The following CEACAM3 variants were observed in gnomAD, a reference collection of about 807,000 sequenced individuals.
CEACAM3 encodes cell adhesion molecule CEACAM3.
A neutral mutation model predicts 30.1 loss-of-function variants in CEACAM3; 32 were observed. The observed-to-expected ratio is 1.06, with a 90% CI of 0.80 to 1.43. The LOEUF (loss-of-function observed/expected upper bound fraction) is 1.43. Ranked by LOEUF, CEACAM3 falls within the 40% of genes most tolerant of loss-of-function variation. The pLI, the probability that CEACAM3 is intolerant of heterozygous loss-of-function variation, is 0.00. For missense variants in CEACAM3, 290 were observed against 316.3 expected, an observed-to-expected ratio of 0.92 and a Z score of 0.63; for synonymous variants, 134 against 127.2, an observed-to-expected ratio of 1.05 and a Z score of -0.36.
intron 5 of CEACAM3, 128 bp from the exon 6 acceptor site, chr19:41,810,704 C>A: frequency 3.4e-6 from 3 of 894,988 alleles, no homozygotes; most frequent in Non-Finnish European, 3.6e-6. Flanking sequence ...GGAGGCTGAG[C>A]TCAGGGGCAG....
At chr19:41,804,433 G>A (rs917545390) in intron 2 of CEACAM3, among the ~76,000 whole-genome samples, 2 of 152,194 alleles carry the variant, frequency 1.3e-5, no homozygotes, top group African/African-American at 4.8e-5. Context: ...AAGGAGGAAG[G>A]TGTTTCATAT....
intron 2 of CEACAM3, among the ~76,000 whole-genome samples, chr19:41,799,878 T>C (rs907156697): frequency 6.6e-6 from 1 of 152,068 alleles, no homozygotes; most frequent in African/African-American, 2.4e-5. Context: ...GGGATCCTTG[T>C]TGCATTCCTC....
At chr19:41,801,359 C>T (rs1163570950) in intron 2 of CEACAM3, among the ~76,000 whole-genome samples, 1 of 152,144 alleles carries the variant, frequency 6.6e-6, no homozygotes, top group African/African-American at 2.4e-5. Context: ...TGTGTCCCCA[C>T]CCAGGGCTCT....
chr19:41,796,614 A>C lies in CEACAM3; in HGVS notation c.-64A>C. 6.3e-7 allele frequency: 1 copy of C among 1,581,534 alleles called. No individual in the cohort carries two copies. The highest frequency in any genetic ancestry group is 8.7e-7 in the Non-Finnish European group (1 of 1,150,756). On this transcript the variant is annotated 5_prime_UTR_variant, in exon 1 of 7. Transcript: ENST00000357396. ...CAGAGCCTAAGTCACAGTAGCCCTGACTACAGCATTCCTGGAGCCCAGGCT... is the reference window on the plus strand; with the variant it reads ...CAGAGCCTAAGTCACAGTAGCCCTGCCTACAGCATTCCTGGAGCCCAGGCT...
chr19:41,810,025 T>C lies in CEACAM3; in HGVS notation c.595+8T>C. The C allele has an allele frequency of 6.2e-7, 1 of 1,613,532 alleles. No individual in the cohort carries two copies. Among genetic ancestry groups the C allele is most frequent in the Non-Finnish European group, 8.5e-7 (1 of 1,179,628 alleles). ...CCCAAGCCCTTGCCCCTGGTGAGTG[T>C]CCTCTCAGCCCAGGTGTGGCTGGGA... On this transcript the variant is annotated splice_region_variant and intron_variant, in intron 4 of 6. Coordinates refer to ENST00000357396, the MANE Select transcript of CEACAM3 (RefSeq NM_001815.5).
intron 2 of CEACAM3, among the ~76,000 whole-genome samples, chr19:41,806,656 G>A (rs538966360): frequency 9.2e-5 from 14 of 152,212 alleles, no homozygotes; most frequent in African/African-American, 2.4e-4. Flanking sequence ...ATCTGTCTTC[G>A]TCTTTTTTTG....
In CEACAM3 at chr19:41,797,766, G is replaced by A. The variant is rs782008716; in HGVS notation, c.242G>A (p.Gly81Glu). 1.2e-6 allele frequency: 2 copies of A among 1,612,614 alleles called. No homozygotes were observed. The highest frequency in any genetic ancestry group is 2.7e-5 in the African/African-American group (2 of 73,626). ...ERVDGNSLIV[G>E]YVIGTQQATP... Reference sequence around the variant, plus strand: ...GTGGATGGCAACAGTCTAATTGTAGGATATGTAATAGGAACTCAACAAGCT... The same window carrying A: ...GTGGATGGCAACAGTCTAATTGTAGAATATGTAATAGGAACTCAACAAGCT... Residue 81 changes from glycine to glutamate, a missense_variant, in exon 2 of 7, where the codon GGA (glycine) becomes GAA (glutamate). Physicochemically the swap from Gly to Glu is moderately conservative, Grantham distance 98. Coordinates refer to ENST00000357396, the MANE Select transcript of CEACAM3 (RefSeq NM_001815.5).
At chr19:41,799,439 G>A (rs1223152567) in intron 2 of CEACAM3, among the ~76,000 whole-genome samples, 4 of 152,144 alleles carry the variant, frequency 2.6e-5, no homozygotes, top group African/African-American at 9.7e-5. Context: ...TGCCATGCCT[G>A]TATAGCCTGC....
At chr19:41,798,216 C>A (rs539870064) in intron 2 of CEACAM3, among the ~76,000 whole-genome samples, 1 of 152,292 alleles carries the variant, frequency 6.6e-6, no homozygotes, top group East Asian at 1.9e-4. Flanking sequence ...AGAAAAGAAC[C>A]CCATGGTCTC....
rs782218610 is a variant in CEACAM3 at position 41,810,830 on chromosome 19, A to G, written c.628-2A>G. The stretch of plus-strand genomic sequence containing the variant: ...TCCATGACCCTCCCTCCCTGTCCAC[A>G]GATGTCCCCTCTCTCCACTGCCCAG... On this transcript the variant is annotated splice_acceptor_variant, in intron 5 of 6. Transcript: ENST00000357396. LOFTEE classifies it high-confidence loss of function. The G allele has an allele frequency of 6.2e-7, 1 of 1,612,094 alleles. No homozygotes were observed. Among genetic ancestry groups the G allele is most frequent in the Non-Finnish European group, 8.5e-7 (1 of 1,178,688 alleles).
intron 4 of CEACAM3, 116 bp downstream of exon 4, chr19:41,810,133 G>A: frequency 7.5e-7 from 1 of 1,325,162 alleles, no homozygotes; most frequent in Non-Finnish European, 1.1e-6. Context: ...CTGCAAGGAG[G>A]ATCTCATAAA....
At position 41,811,312 on chromosome 19, in the gene CEACAM3, T is replaced by G. The variant is rs1415782173; in HGVS notation, c.*75T>G. The G allele has an allele frequency of 2.3e-6, 3 of 1,296,480 alleles. No individual in the cohort carries two copies. The African/African-American group carries it at 4.4e-5, about 19-fold the overall frequency. 80.3% of individuals were successfully genotyped at this position (1,296,480 alleles called of 1,614,324 possible). ...CCAGCCCTGGGGATGGGGAAGGACA[T>G]GAAGCCTGAGCCAGAGAACCAGCTA... is the stretch of plus-strand genomic sequence containing the variant. On this transcript the variant is annotated 3_prime_UTR_variant, in exon 7 of 7. Transcript: ENST00000357396.
chr19:41,809,393 G>A (rs1555827280), intron 3 of CEACAM3: 1 of 166,768 alleles, frequency 6.0e-6, no homozygotes, highest in African/African-American at 2.4e-5. Context: ...TGCCCCCCAT[G>A]GCTGATGTGG....
chr19:41,805,098 A>T (rs2073187508), intron 2 of CEACAM3, among the ~76,000 whole-genome samples: 1 of 152,100 alleles, frequency 6.6e-6, no homozygotes, highest in Non-Finnish European at 1.5e-5. Context: ...ATAAAAAATA[A>T]TTAGAAATCC....
chr19:41,800,082 A>G (rs1234674377), intron 2 of CEACAM3, among the ~76,000 whole-genome samples: 1 of 152,234 alleles, frequency 6.6e-6, no homozygotes, highest in Non-Finnish European at 1.5e-5. Flanking sequence ...TATACCAGAT[A>G]TAGATCTTAG....
intron 2 of CEACAM3, among the ~76,000 whole-genome samples, chr19:41,806,175 G>A (rs1205295495): frequency 6.6e-6 from 1 of 152,062 alleles, no homozygotes; most frequent in Non-Finnish European, 1.5e-5. Context: ...TTACAGGCAT[G>A]CTCCACCACA....
chr19:41,808,365 G>A (rs546936373), intron 2 of CEACAM3, among the ~76,000 whole-genome samples: 1 of 152,334 alleles, frequency 6.6e-6, no homozygotes, highest in South Asian at 2.1e-4. Flanking sequence ...GTGATGTAAG[G>A]ATGAGATGAG....
rs2073149175 is a variant in CEACAM3 at position 41,801,697 on chromosome 19, T to G, written c.424+3749T>G. Among the ~76,000 whole-genome samples the G allele has an allele frequency of 9.9e-5, 15 of 152,274 alleles. No individual in the cohort carries two copies. The South Asian group carries it at 2.9e-3, about 29-fold the overall frequency. ...ATAGGGATGTGGCAACTGATCCTGG[T>G]GTGCTGAAACTGCCTCTGAGTGGGG... On this transcript the variant is annotated intron_variant, in intron 2 of 6. Coordinates refer to ENST00000357396, the MANE Select transcript of CEACAM3 (RefSeq NM_001815.5).
chr19:41,797,817 G>GA lies in CEACAM3; in HGVS notation c.294dup (p.Glu99ArgfsTer18). On this transcript the variant is annotated frameshift_variant, in exon 2 of 7. Coordinates refer to ENST00000357396, the MANE Select transcript of CEACAM3 (RefSeq NM_001815.5). LOFTEE classifies it high-confidence loss of function. ...ACCCCAGGGGCCGCATACAGCGGTCGAGAGACAATATACACCAATGCATCC... is the reference window on the plus strand; with the variant it reads ...ACCCCAGGGGCCGCATACAGCGGTCGAAGAGACAATATACACCAATGCATCC... The GA allele has an allele frequency of 6.2e-7, 1 of 1,612,856 alleles. No homozygotes were observed. Among genetic ancestry groups the GA allele is most frequent in the East Asian group, 2.2e-5 (1 of 44,886 alleles).
Sources: allele counts gnomAD v4.1 joint callset (sites outside exome capture counted in the v4.1 genomes callset), GRCh38; gene constraint gnomAD v4.1.1; transcripts MANE v1.5; gene names NCBI Gene and HGNC (gene_info 2026-07-23, HGNC 2026-07-21).